Variants in SRGAP2 observed in about 807,000 individuals in gnomAD.
SRGAP2 encodes the protein SLIT-ROBO Rho GTPase activating protein 2, also known as SLIT-ROBO Rho GTPase-activating protein 2.
Under a neutral mutation model 57.2 loss-of-function variants are expected in SRGAP2, and 15 were observed. The ratio of observed to expected loss-of-function variants is 0.26; its 90% CI spans 0.18 to 0.40. SRGAP2 has a LOEUF of 0.40. Among genes scored for constraint, SRGAP2 ranks in the 10% least tolerant of loss-of-function variants. The probability of loss-of-function intolerance (pLI) is 1.00; values close to 1 mark genes in which losing one functional copy is unlikely to be tolerated. For missense variants in SRGAP2, 520 were observed against 669.6 expected (o/e 0.78, Z 2.47); for synonymous variants, 249 against 248.0 (o/e 1.00, Z -0.04).
At chr1:206,283,083 A>T (rs1202113501) in intron 2 of SRGAP2, among the ~76,000 whole-genome samples, 2 of 151,176 alleles carry the variant, frequency 1.3e-5, no homozygotes, top group African/African-American at 4.9e-5. Flanking sequence ...TGGGCCTTTG[A>T]ACATGCTGTT....
chr1:206,414,166 G>A (rs2103209324), intron 10 of SRGAP2, among the ~76,000 whole-genome samples: 1 of 151,614 alleles, frequency 6.6e-6, no homozygotes, highest in South Asian at 2.1e-4. Context: ...CGAGTAGCTG[G>A]GATTACAGGC....
chr1:206,255,946 A>G (rs570756165), intron 2 of SRGAP2, among the ~76,000 whole-genome samples: 1 of 147,992 alleles, frequency 6.8e-6, no homozygotes, highest in African/African-American at 2.5e-5. Flanking sequence ...CCTTGTGTCA[A>G]AGTTCACTTT....
intron 2 of SRGAP2, among the ~76,000 whole-genome samples, chr1:206,230,094 G>C (rs563391725): frequency 1.3e-4 from 20 of 152,102 alleles, no homozygotes; most frequent in Non-Finnish European, 4.4e-5. Flanking sequence ...TTGAATTGTT[G>C]AACTATTTGT....
intron 2 of SRGAP2, among the ~76,000 whole-genome samples, chr1:206,244,258 A>G (rs11249412): frequency 0.1 from 8,599 of 83,374 alleles, 2,189 homozygotes; most frequent in African/African-American, 0.31. Flanking sequence ...CAACTTACAG[A>G]TTAATGTTTT....
intron 10 of SRGAP2, among the ~76,000 whole-genome samples, chr1:206,412,893 C>A (rs1659341638): frequency 6.6e-6 from 1 of 152,178 alleles, no homozygotes; most frequent in Non-Finnish European, 1.5e-5. Flanking sequence ...CTTTCCATAC[C>A]TGGCTTACCT....
At chr1:206,260,066 A>AT (rs200947213) in intron 2 of SRGAP2, among the ~76,000 whole-genome samples, 1 of 61,892 alleles carries the variant, frequency 1.6e-5, no homozygotes, top group Non-Finnish European at 3.3e-5. Flanking sequence ...CCCCCCTCAT[A>AT]TTTTTTTCAG....
chr1:206,451,095 TGA>T (rs1663241981), intron 19 of SRGAP2, among the ~76,000 whole-genome samples: 1 of 118,376 alleles, frequency 8.4e-6, no homozygotes, highest in Non-Finnish European at 1.6e-5. Context: ...CCAGCCTGGG[TGA>T]GAGAGTGAGA....
intron 4 of SRGAP2, among the ~76,000 whole-genome samples, chr1:206,354,231 T>G (rs1303547610): frequency 2.0e-5 from 3 of 152,218 alleles, no homozygotes; most frequent in Non-Finnish European, 4.4e-5. Context: ...ATAGAAACTC[T>G]AGGTGTACTT....
At chr1:206,402,106 C>T (rs111243209) in intron 8 of SRGAP2, among the ~76,000 whole-genome samples, 9 of 151,630 alleles carry the variant, frequency 5.9e-5, no homozygotes, top group South Asian at 4.2e-4. Context: ...AGTGGGGAAG[C>T]GAGGGCTAGG....
chr1:206,289,221 A>G (rs1671172268), intron 2 of SRGAP2, among the ~76,000 whole-genome samples: 1 of 142,226 alleles, frequency 7.0e-6, no homozygotes, highest in Non-Finnish European at 1.5e-5. Flanking sequence ...CTTTGAAACA[A>G]TAGCAGATAT....
intron 2 of SRGAP2, among the ~76,000 whole-genome samples, chr1:206,214,998 C>T: frequency 6.7e-6 from 1 of 148,538 alleles, no homozygotes; most frequent in East Asian, 2.0e-4. Flanking sequence ...ATTCTTTTTT[C>T]TTCTACCAGA....
intron 2 of SRGAP2, among the ~76,000 whole-genome samples, chr1:206,232,260 ACACTC>A (rs1318311253): frequency 1.6e-4 from 24 of 152,212 alleles, no homozygotes; most frequent in Non-Finnish European, 2.6e-4. Flanking sequence ...AGTAGACAGA[ACACTC>A]CAGTCAAGGT....
At chr1:206,333,587 C>T in intron 3 of SRGAP2, 1 of 698,312 alleles carries the variant, frequency 1.4e-6, no homozygotes, top group Non-Finnish European at 2.4e-6. Context: ...CATTTACAGG[C>T]ACAATCATTG....
chr1:206,388,691 CTTG>C (rs1656558448), intron 5 of SRGAP2, among the ~76,000 whole-genome samples: 7 of 133,382 alleles, frequency 5.2e-5, no homozygotes, highest in Non-Finnish European at 1.6e-5. Flanking sequence ...AACTTTTCTT[CTTG>C]TTGTATAATA....
At chr1:206,203,816 C>T in intron 1 of SRGAP2, 166 bp downstream of exon 1, 2 of 1,529,568 alleles carry the variant, frequency 1.3e-6, no homozygotes, top group African/African-American at 2.7e-5. Flanking sequence ...TCCACCCTCT[C>T]CAAATCTCCC....
At position 206,394,351 on chromosome 1, in the gene SRGAP2, G is replaced by A. The variant is rs116579673; in HGVS notation, c.831+678G>A. 6.3e-3 allele frequency among the ~76,000 whole-genome samples: 962 copies of A among 152,302 alleles called. 12 individuals are homozygous for A. The highest frequency in any genetic ancestry group is 0.022 in the African/African-American group (925 of 41,556). On this transcript the variant is annotated intron_variant, in intron 7 of 22. Coordinates refer to ENST00000573034, the MANE Select transcript of SRGAP2 (RefSeq NM_015326.5). Reference sequence around the variant, plus strand: ...TGCTAGGATTACAGGTGTGGGCCCTGCACCCGACCTAGGAAATACTTTATT... The same window carrying A: ...TGCTAGGATTACAGGTGTGGGCCCTACACCCGACCTAGGAAATACTTTATT...
At chr1:206,417,015 T>G (rs577292123) in intron 11 of SRGAP2, among the ~76,000 whole-genome samples, 1 of 152,264 alleles carries the variant, frequency 6.6e-6, no homozygotes, top group African/African-American at 2.4e-5. Flanking sequence ...CAGAACCTCC[T>G]ACCCACCTTT....
chr1:206,397,105 C>T (rs1657671622), intron 7 of SRGAP2, among the ~76,000 whole-genome samples: 1 of 151,488 alleles, frequency 6.6e-6, no homozygotes, highest in Non-Finnish European at 1.5e-5. Flanking sequence ...CAGCCAATCC[C>T]CCACCCCAAG....
chr1:206,238,840 C>G (rs1315632457), intron 2 of SRGAP2, among the ~76,000 whole-genome samples: 16 of 150,000 alleles, frequency 1.1e-4, no homozygotes, highest in Non-Finnish European at 5.9e-5. Flanking sequence ...TCTTCCCAGG[C>G]CACTCACTTG....
Sources: gnomAD v4.1 joint callset for allele counts (sites outside exome capture counted in the v4.1 genomes callset) on GRCh38, gnomAD v4.1.1 for gene constraint, MANE v1.5 for transcripts, NCBI Gene and HGNC (gene_info 2026-07-23, HGNC 2026-07-21) for gene names.